Variants in ATG7 observed in about 807,000 individuals in gnomAD.
The protein encoded by ATG7 is autophagy related 7.
ATG7 carries 70 observed loss-of-function variants against 82.4 expected under a neutral mutation model. That is an observed-to-expected ratio of 0.85 (90% CI 0.70 to 1.04). The LOEUF is 1.04. Ranked by LOEUF, ATG7 falls within the 50% of genes least tolerant of loss-of-function variation. ATG7 has a pLI of 0.00. For missense variants in ATG7, 792 were observed against 864.3 expected (o/e 0.92, Z 1.05); for synonymous variants, 287 against 313.0 (o/e 0.92, Z 0.88).
In ATG7 at chr3:11,372,845, C is replaced by T. The variant is rs78066385; in HGVS notation, c.1876-7127C>T. ...GCGTGTGCGTGTGTGTGCGTGCGTG[C>T]GTGTGCGTGTGTGTGTGTGAAATCG... On this transcript the variant is annotated intron_variant, in intron 18 of 20. Coordinates refer to ENST00000693202, the MANE Select transcript of ATG7 (RefSeq NM_001349232.2). Among the ~76,000 whole-genome samples, 15 of 21,388 alleles carry T rather than the reference C, an allele frequency of 7.0e-4. 1 individual carries two copies. The East Asian group carries it at 0.054, about 77-fold the overall frequency. The allele number at this position is 21,388 out of a possible 152,430, so 14.0% of individuals were successfully genotyped here. A position where few individuals can be genotyped will look rare whatever the true frequency, so the allele number is the denominator to read the frequency against.
chr3:11,541,589 T>A (rs2070838754), intron 20 of ATG7, among the ~76,000 whole-genome samples: 1 of 152,206 alleles, frequency 6.6e-6, no homozygotes, highest in South Asian at 2.1e-4. Context: ...AGAAGCCATG[T>A]CACCTGCATT....
intron 19 of ATG7, among the ~76,000 whole-genome samples, chr3:11,395,677 A>T (rs938012875): frequency 3.3e-5 from 5 of 152,216 alleles, no homozygotes; most frequent in African/African-American, 1.2e-4. Context: ...GCAGTGGCTC[A>T]CGCCTGTAAT....
At chr3:11,477,647 G>T (rs113015950) in intron 20 of ATG7, among the ~76,000 whole-genome samples, 5,719 of 152,260 alleles carry the variant, frequency 0.038, 116 homozygotes, top group African/African-American at 0.051. Flanking sequence ...TCTTTCAGTT[G>T]TAAGTTGCAA....
intron 13 of ATG7, among the ~76,000 whole-genome samples, chr3:11,344,560 G>A: frequency 6.6e-6 from 1 of 152,150 alleles, no homozygotes; most frequent in East Asian, 1.9e-4. Flanking sequence ...AATTAGTAAT[G>A]TTTTGTTTTT....
chr3:11,510,718 C>G (rs2092008589), intron 20 of ATG7, among the ~76,000 whole-genome samples: 1 of 152,184 alleles, frequency 6.6e-6, no homozygotes, highest in African/African-American at 2.4e-5. Flanking sequence ...ATTCTGTTTT[C>G]TTTTTCACCT....
intron 20 of ATG7, among the ~76,000 whole-genome samples, chr3:11,491,436 A>G (rs2090345031): frequency 6.6e-6 from 1 of 152,258 alleles, no homozygotes; most frequent in South Asian, 2.1e-4. Flanking sequence ...TGTAGCTCAG[A>G]GTAGTTTGAT....
At chr3:11,412,887 TATA>T in intron 19 of ATG7, among the ~76,000 whole-genome samples, 1 of 152,170 alleles carries the variant, frequency 6.6e-6, no homozygotes, top group Non-Finnish European at 1.5e-5. Flanking sequence ...AGCATTGTTT[TATA>T]ATTTTTATTG....
At chr3:11,466,636 A>G (rs1047684146) in intron 20 of ATG7, among the ~76,000 whole-genome samples, 2 of 152,222 alleles carry the variant, frequency 1.3e-5, no homozygotes, top group African/African-American at 4.8e-5. Flanking sequence ...AAACTCTGTA[A>G]GCCTTTGTGC....
intron 3 of ATG7, among the ~76,000 whole-genome samples, chr3:11,290,184 G>A (rs938025368): frequency 1.3e-5 from 2 of 152,184 alleles, no homozygotes; most frequent in Non-Finnish European, 2.9e-5. Flanking sequence ...TGAACAAGTA[G>A]GTCATAAGCA....
At chr3:11,570,932 G>C in the ATG7 span, among the ~76,000 whole-genome samples, 5 of 152,148 alleles carry the variant, frequency 3.3e-5, no homozygotes, top group Admixed American at 1.3e-4. Flanking sequence ...AAGGTGCCTG[G>C]GTGTGTCCCC....
intron 20 of ATG7, among the ~76,000 whole-genome samples, chr3:11,503,793 G>T (rs1054745505): frequency 7.3e-6 from 1 of 136,190 alleles, no homozygotes; most frequent in Non-Finnish European, 1.6e-5. Flanking sequence ...ATGATTAAAA[G>T]TACTCTTAGA....
chr3:11,300,409 T>C (rs1946610224), intron 5 of ATG7, among the ~76,000 whole-genome samples: 1 of 152,072 alleles, frequency 6.6e-6, no homozygotes, highest in Non-Finnish European at 1.5e-5. Context: ...GAGAAAAAAA[T>C]GTATTTATAA....
chr3:11,443,408 CAG>C (rs906881560), intron 20 of ATG7, among the ~76,000 whole-genome samples: 3 of 152,168 alleles, frequency 2.0e-5, no homozygotes, highest in Admixed American at 2.0e-4. Flanking sequence ...TTTTTTGAGA[CAG>C]GGTCTCACCT....
intron 20 of ATG7, among the ~76,000 whole-genome samples, chr3:11,541,352 G>A (rs1407807010): frequency 6.6e-6 from 1 of 152,162 alleles, no homozygotes; most frequent in Non-Finnish European, 1.5e-5. Flanking sequence ...TCAAATTACT[G>A]TGCCACCTTT....
At chr3:11,558,452 C>CT, downstream of ATG7, 26 of 1,355,780 alleles carry the variant, frequency 1.9e-5, no homozygotes, top group Middle Eastern at 2.1e-4. Flanking sequence ...CATCCCTTCC[C>CT]TTCCCCCCAC....
At position 11,507,174 on chromosome 3, in the gene ATG7, C is replaced by T. The variant is rs527709232; in HGVS notation, c.2080-47637C>T. On this transcript the variant is annotated intron_variant, in intron 20 of 20. Coordinates refer to ENST00000693202, the MANE Select transcript of ATG7 (RefSeq NM_001349232.2). Reference sequence around the variant, plus strand: ...GCACGCACCTGTAGTGCCAGCTACTCAGGAGGCTGAGGCAGGAGAATCGCT... The same window carrying T: ...GCACGCACCTGTAGTGCCAGCTACTTAGGAGGCTGAGGCAGGAGAATCGCT... Among the ~76,000 whole-genome samples the T allele has an allele frequency of 2.0e-5, 3 of 152,160 alleles. No homozygotes were observed. In the South Asian group the frequency reaches 6.2e-4, roughly 32 times the overall value.
intron 20 of ATG7, among the ~76,000 whole-genome samples, chr3:11,462,075 A>G (rs2086364002): frequency 6.6e-6 from 1 of 151,792 alleles, no homozygotes; most frequent in Non-Finnish European, 1.5e-5. Flanking sequence ...CTAAGGGACA[A>G]CTCCAAATAA....
intron 19 of ATG7, among the ~76,000 whole-genome samples, chr3:11,395,151 T>C (rs2079107215): frequency 1.3e-5 from 2 of 152,166 alleles, no homozygotes; most frequent in South Asian, 4.1e-4. Context: ...TAGGCAATTA[T>C]ATACATCTAA....
intron 20 of ATG7, among the ~76,000 whole-genome samples, chr3:11,459,124 C>T (rs2086052797): frequency 6.7e-6 from 1 of 148,888 alleles, no homozygotes; most frequent in African/African-American, 2.5e-5. Context: ...TTCAGCTTCA[C>T]TTTCTGACAC....
Sources: allele counts gnomAD v4.1 joint callset (sites outside exome capture counted in the v4.1 genomes callset), GRCh38; gene constraint gnomAD v4.1.1; transcripts MANE v1.5; gene names NCBI Gene and HGNC (gene_info 2026-07-23, HGNC 2026-07-21).